Variants in TBL1XR1 observed in about 807,000 individuals in gnomAD.
TBL1XR1 encodes the protein F-box-like/WD repeat-containing protein TBL1XR1.
TBL1XR1 carries 5 observed loss-of-function variants against 66.9 expected under a neutral mutation model. The observed-to-expected ratio is 0.07, with a 90% CI of 0.04 to 0.16. TBL1XR1 has a LOEUF of 0.16. Ranked by LOEUF, TBL1XR1 falls within the 10% of genes least tolerant of loss-of-function variation. The pLI is 1.00. For synonymous variants in TBL1XR1, 210 were observed against 206.0 expected (o/e 1.02, Z -0.17); for missense variants, 238 against 623.2 (o/e 0.38, Z 6.58).
At chr3:177,111,203 C>T (rs1205748230) in intron 1 of TBL1XR1, among the ~76,000 whole-genome samples, 1 of 151,996 alleles carries the variant, frequency 6.6e-6, no homozygotes, top group Non-Finnish European at 1.5e-5. Context: ...GGCAAAGAAT[C>T]CACAAACGAT....
Position 177,150,765 on chromosome 3 carries a change from A to G in TBL1XR1, c.-122+46356T>C, listed in dbSNP as rs140359083. On this transcript the variant is annotated intron_variant, in intron 1 of 15. Transcript: ENST00000457928. Reference sequence around the variant, plus strand: ...AGCTGAGCAGGCTCTAACAGAAAGTAATTATCTAAGGACGCTGACATAATT... The same window carrying G: ...AGCTGAGCAGGCTCTAACAGAAAGTGATTATCTAAGGACGCTGACATAATT... Among the ~76,000 whole-genome samples, 113 of 152,298 alleles carry G rather than the reference A, an allele frequency of 7.4e-4. 1 individual carries two copies. Among genetic ancestry groups the G allele is most frequent in the African/African-American group, 2.6e-3 (107 of 41,554 alleles).
chr3:177,200,929 C>A (rs184426555), upstream of TBL1XR1, among the ~76,000 whole-genome samples: 15 of 151,568 alleles, frequency 9.9e-5, no homozygotes, highest in Middle Eastern at 0.011. Context: ...ATCGCTTGAA[C>A]CCTGGAGGCG....
At chr3:177,186,163 CACAAT>C (rs1735380191) in intron 1 of TBL1XR1, among the ~76,000 whole-genome samples, 1 of 152,084 alleles carries the variant, frequency 6.6e-6, no homozygotes, top group African/African-American at 2.4e-5. Context: ...TGCACAAGAA[CACAAT>C]ACAATAACAG....
chr3:177,157,490 C>T (rs1438843632), intron 1 of TBL1XR1, among the ~76,000 whole-genome samples: 1 of 152,090 alleles, frequency 6.6e-6, no homozygotes, highest in East Asian at 1.9e-4. Flanking sequence ...AAAGAAATAG[C>T]ACATTTGTAC....
chr3:177,082,246 T>G (rs1283587083), intron 2 of TBL1XR1, among the ~76,000 whole-genome samples: 1 of 152,008 alleles, frequency 6.6e-6, no homozygotes, highest in Non-Finnish European at 1.5e-5. Flanking sequence ...TTTGGAGTGA[T>G]AAAAAGACAA....
intron 12 of TBL1XR1, among the ~76,000 whole-genome samples, chr3:177,036,757 C>G (rs1714846565): frequency 6.6e-6 from 1 of 152,174 alleles, no homozygotes; most frequent in Admixed American, 6.5e-5. Flanking sequence ...GAAAACCTCA[C>G]AAGTTTCGCA....
intron 2 of TBL1XR1, among the ~76,000 whole-genome samples, chr3:177,084,356 C>T: frequency 6.6e-6 from 1 of 152,204 alleles, no homozygotes; most frequent in African/African-American, 2.4e-5. Context: ...TCCCACCCCA[C>T]ATGCACAATA....
intron 1 of TBL1XR1, among the ~76,000 whole-genome samples, chr3:177,157,244 G>A (rs995206541): frequency 6.6e-6 from 1 of 152,100 alleles, no homozygotes; most frequent in South Asian, 2.1e-4. Flanking sequence ...CCTCTCCGGA[G>A]GCTCCTAAAG....
chr3:177,019,418 C>T lies in TBL1XR1; in HGVS notation c.*6080G>A, dbSNP rs1712086191. ...ATTGTAAAGAAATTACAAGGAACTC[C>T]TAAAAAAATTTAATACAAAAATATT... On this transcript the variant is annotated 3_prime_UTR_variant, in exon 16 of 16. Coordinates refer to ENST00000457928, the MANE Select transcript of TBL1XR1 (RefSeq NM_024665.7). 6.6e-6 allele frequency: 1 copy of T among 151,834 alleles called. No homozygotes were observed. Among genetic ancestry groups the T allele is most frequent in the South Asian group, 2.1e-4 (1 of 4,816 alleles). The allele number at this position is 151,834 out of a possible 1,614,324, so 9.4% of individuals were successfully genotyped here.
At chr3:177,186,992 C>T (rs1304290289) in intron 1 of TBL1XR1, among the ~76,000 whole-genome samples, 2 of 152,064 alleles carry the variant, frequency 1.3e-5, no homozygotes, top group African/African-American at 4.8e-5. Flanking sequence ...GGATGAAACC[C>T]CGTCTCTCCT....
At chr3:177,092,191 T>A (rs947640196) in intron 2 of TBL1XR1, among the ~76,000 whole-genome samples, 5 of 152,178 alleles carry the variant, frequency 3.3e-5, no homozygotes, top group African/African-American at 1.2e-4. Flanking sequence ...AAATTTCAGA[T>A]GTTGGAGCAT....
At chr3:177,154,623 C>T (rs371151464) in intron 1 of TBL1XR1, among the ~76,000 whole-genome samples, 1 of 152,082 alleles carries the variant, frequency 6.6e-6, no homozygotes, top group Non-Finnish European at 1.5e-5. Flanking sequence ...TCTCAAACTA[C>T]TAACTTCATG....
At chr3:177,179,113 G>A (rs1397107237) in intron 1 of TBL1XR1, among the ~76,000 whole-genome samples, 2 of 85,412 alleles carry the variant, frequency 2.3e-5, no homozygotes, top group Non-Finnish European at 4.6e-5. Context: ...GCGAAACTAC[G>A]TCTCAAAAAA....
At chr3:177,176,331 C>T (rs942956267) in intron 1 of TBL1XR1, among the ~76,000 whole-genome samples, 7 of 150,614 alleles carry the variant, frequency 4.6e-5, no homozygotes, top group South Asian at 2.1e-4. Flanking sequence ...CGAGTAGCTG[C>T]GATTACAGGC....
chr3:177,026,309 A>G (rs972597075), intron 15 of TBL1XR1, 64 bp downstream of exon 15: 33 of 1,282,454 alleles, frequency 2.6e-5, no homozygotes, highest in Non-Finnish European at 3.4e-5. Flanking sequence ...ATCACTAACA[A>G]TAAGCTGCAT....
chr3:177,134,095 G>A (rs1236234533), intron 1 of TBL1XR1, among the ~76,000 whole-genome samples: 1 of 152,074 alleles, frequency 6.6e-6, no homozygotes, highest in Non-Finnish European at 1.5e-5. Flanking sequence ...AATGTAAAGA[G>A]AGAGAAATTA....
At chr3:177,044,543 C>T (rs1400427854) in intron 10 of TBL1XR1, among the ~76,000 whole-genome samples, 1 of 151,994 alleles carries the variant, frequency 6.6e-6, no homozygotes, top group African/African-American at 2.4e-5. Context: ...CAAGAAGAAA[C>T]GTCTGAAGGT....
chr3:177,183,266 T>C (rs1457298188), intron 1 of TBL1XR1, among the ~76,000 whole-genome samples: 1 of 152,186 alleles, frequency 6.6e-6, no homozygotes, highest in African/African-American at 2.4e-5. Flanking sequence ...ATAAAATTCA[T>C]TTAGGTTTAT....
chr3:177,063,012 G>C (rs1483239303), intron 3 of TBL1XR1, among the ~76,000 whole-genome samples: 1 of 151,788 alleles, frequency 6.6e-6, no homozygotes, highest in Non-Finnish European at 1.5e-5. Context: ...TGCATGCCTA[G>C]AATCCCAGCT....
Sources: gnomAD v4.1 joint callset for allele counts (sites outside exome capture counted in the v4.1 genomes callset) on GRCh38, gnomAD v4.1.1 for gene constraint, MANE v1.5 for transcripts, NCBI Gene and HGNC (gene_info 2026-07-23, HGNC 2026-07-21) for gene names.